NOL6: variants seen among roughly 807,000 people sequenced by gnomAD.
NOL6 encodes the protein nucleolar protein 6, also known as nucleolar RNA-associated protein.
NOL6 carries 33 observed loss-of-function variants against 131.7 expected under a neutral mutation model. The ratio of observed to expected loss-of-function variants is 0.25; its 90% CI spans 0.19 to 0.33. The LOEUF (loss-of-function observed/expected upper bound fraction) is 0.33. NOL6 is among the 10% of genes least tolerant of loss of function. The probability of loss-of-function intolerance (pLI) is 1.00; values close to 1 mark genes in which losing one functional copy is unlikely to be tolerated. For missense variants in NOL6, 1,297 were observed against 1,494.5 expected, an observed-to-expected ratio of 0.87 and a Z score of 2.18; for synonymous variants, 580 against 605.7, an observed-to-expected ratio of 0.96 and a Z score of 0.62.
intron 22 of NOL6, 28 bp downstream of exon 22, chr9:33,464,009 A>C (rs1307397987): frequency 6.2e-7 from 1 of 1,612,690 alleles, no homozygotes; most frequent in East Asian, 2.2e-5. Flanking sequence ...AGAAAACCAC[A>C]CATTAGGGGG....
Position 33,463,320 on chromosome 9 carries a change from C to A in NOL6, c.3116G>T (p.Ser1039Ile). The change falls in exon 24 of 26, where the codon AGC (serine) becomes ATC (isoleucine). Residue 1039 changes from serine (S) to isoleucine (I), a missense_variant. Physicochemically the swap from Ser to Ile is moderately radical, Grantham distance 142. Coordinates refer to ENST00000297990, the MANE Select transcript of NOL6 (RefSeq NM_022917.5). ...PAASFCRGLL[S>I]QPGPSSLMPV... ...CATCAGGGATGAGGGCCCCGGCTGG[C>A]TGAGCAGGCCCCGGCAGAAGGAGGC... is the stretch of plus-strand genomic sequence containing the variant. 1 of 1,614,130 alleles carries A rather than the reference C, an allele frequency of 6.2e-7. No individual in the cohort carries two copies. Among genetic ancestry groups the A allele is most frequent in the Non-Finnish European group, 8.5e-7 (1 of 1,180,004 alleles).
At position 33,472,968 on chromosome 9, in the gene NOL6, CAAAAAAAAA is replaced by C. The variant is rs398040337; in HGVS notation, c.55-565_55-557del. ...AGCCTGGGCAACAGAGCAAGACTGT[CAAAAAAAAA>C]AAAAAAAAAAAGAAGCTGACTGAGC... On this transcript the variant is annotated intron_variant, in intron 1 of 25. Transcript: ENST00000297990. Among the ~76,000 whole-genome samples, 3 of 70,938 alleles carry C rather than the reference CAAAAAAAAA, an allele frequency of 4.2e-5. No individual in the cohort carries two copies. In the Admixed American group the frequency reaches 5.0e-4, roughly 12 times the overall value. The allele number at this position is 70,938 out of a possible 152,430, so 46.5% of individuals were successfully genotyped here.
intron 24 of NOL6, 52 bp from the exon 25 acceptor site, chr9:33,463,186 C>T: frequency 6.2e-7 from 1 of 1,609,680 alleles, no homozygotes; most frequent in South Asian, 1.1e-5. Flanking sequence ...AAGAGCTCCT[C>T]CACAGCCTCA....
At chr9:33,464,589 G>T (rs751207756) in intron 21 of NOL6, among the ~76,000 whole-genome samples, 13 of 151,280 alleles carry the variant, frequency 8.6e-5, no homozygotes, top group Middle Eastern at 6.8e-3. Flanking sequence ...TCCTAGCTCC[G>T]TGCCCTAATA....
At chr9:33,472,860 C>CT (rs1827450735) in intron 1 of NOL6, among the ~76,000 whole-genome samples, 1 of 151,690 alleles carries the variant, frequency 6.6e-6, no homozygotes, top group Non-Finnish European at 1.5e-5. Context: ...GTAATCTCAG[C>CT]TACGCGGGAG....
chr9:33,466,133 G>A lies in NOL6; in HGVS notation c.2302C>T (p.Leu768=). 2 of 1,613,088 alleles carry A rather than the reference G, an allele frequency of 1.2e-6. No homozygotes were observed. The highest frequency in any genetic ancestry group is 1.7e-6 in the Non-Finnish European group (2 of 1,179,600). ...TGCAGACCATGCTGTTGTGTCAACA[G>A]CTCTGCCAGGCGCAGCTGGAAGGCA... ...RAAFQLRLAE[L]LTQQHGLQCR... Residue 768 remains leucine (L), a synonymous_variant, in exon 18 of 26, where the codon CTG becomes TTG. Transcript: ENST00000297990.
rs749829001 is a variant in NOL6 at position 33,466,945 on chromosome 9, G to T, written c.1917C>A (p.Gly639=). ...IPETCVHYVG[G]PLDALIQGLK... ...GGCCTTGGATAAGTGCATCCAGGGG[G>T]CCCCCCACATAGTGGACACAGGTTT... is the stretch of plus-strand genomic sequence containing the variant. Residue 639 remains glycine (G), a synonymous_variant, in exon 15 of 26, where the codon GGC becomes GGA. Coordinates refer to ENST00000297990, the MANE Select transcript of NOL6 (RefSeq NM_022917.5). The T allele has an allele frequency of 1.2e-6, 2 of 1,614,040 alleles. No homozygotes were observed. The highest frequency in any genetic ancestry group is 4.5e-5 in the East Asian group (2 of 44,900).
intron 21 of NOL6, among the ~76,000 whole-genome samples, chr9:33,464,517 C>T (rs112287734): frequency 2.7e-4 from 41 of 152,188 alleles, no homozygotes; most frequent in African/African-American, 9.6e-4. Context: ...GAGTGCCTCA[C>T]GTTACAACCA....
intron 10 of NOL6, 85 bp downstream of exon 10, chr9:33,468,236 G>A (rs1827304618): frequency 6.2e-7 from 1 of 1,608,804 alleles, no homozygotes; most frequent in Non-Finnish European, 8.5e-7. Flanking sequence ...CTTTGAAGAG[G>A]AGTTTCTGGG....
rs200085062 is a variant in NOL6 at position 33,466,374 on chromosome 9, G to T, written c.2143C>A (p.Arg715=). ...RPAFSFYETL[R]ERSSLLPRLD... ...CGGGGCAGCAGTGAGGACCGCTCCC[G>T]CAGAGTCTCATAGAAGGAGAAGGCT... The change falls in exon 17 of 26, where the codon CGG becomes AGG. Residue 715 remains arginine (R), a synonymous_variant. Coordinates refer to ENST00000297990, the MANE Select transcript of NOL6 (RefSeq NM_022917.5). 1.9e-6 allele frequency: 3 copies of T among 1,614,224 alleles called. No individual in the cohort carries two copies. In the Admixed American group the frequency reaches 5.0e-5, roughly 27 times the overall value.
chr9:33,470,251 T>C, intron 3 of NOL6, 60 bp from the exon 4 acceptor site: 1 of 1,371,836 alleles, frequency 7.3e-7, no homozygotes, highest in Non-Finnish European at 9.7e-7. Context: ...ATGTACCCTT[T>C]ATGTCTAGAA....
Position 33,468,821 on chromosome 9 carries a change from CAAGG to C in NOL6, c.1074_1077del (p.Phe358LeufsTer11). The C allele has an allele frequency of 6.2e-7, 1 of 1,614,116 alleles. No individual in the cohort carries two copies. The highest frequency in any genetic ancestry group is 8.5e-7 in the Non-Finnish European group (1 of 1,179,998). On this transcript the variant is annotated frameshift_variant, in exon 8 of 26. Transcript: ENST00000297990. LOFTEE classifies it high-confidence loss of function. ...GTGGTATGGATCTTGCGTGTAGACA[CAAGG>C]AAGACAACCAGCATGGAGACAAGGA...
Position 33,466,706 on chromosome 9 carries a change from A to C in NOL6, c.1954T>G (p.Ser652Ala). The C allele has an allele frequency of 1.9e-6, 3 of 1,613,654 alleles. No homozygotes were observed. Among genetic ancestry groups the C allele is most frequent in the Non-Finnish European group, 2.5e-6 (3 of 1,179,964 alleles). ...ACCAGGGCCTCCTCACCTGTGCTGG[A>C]GGTCTGAGAGGGAGAAGACGGTCAG... The part of the protein sequence containing the change: ...DALIQGLKET[S>A]STGEEALVAA... The change falls in exon 16 of 26, where the codon TCC becomes GCC. Residue 652 changes from serine to alanine, a missense_variant. Transcript: ENST00000297990.
rs767437468 is a variant in NOL6 at position 33,469,150 on chromosome 9, G to A, written c.863-29C>T. On this transcript the variant is annotated intron_variant, in intron 6 of 25. Coordinates refer to ENST00000297990, the MANE Select transcript of NOL6 (RefSeq NM_022917.5). The stretch of plus-strand genomic sequence containing the variant: ...TGGGATGAAAAGGGAAGCCATGAGA[G>A]GAAAAGTCCCCACACCTCTTCCCTC... 3.1e-6 allele frequency: 5 copies of A among 1,613,912 alleles called. No homozygotes were observed. In the African/African-American group the frequency reaches 4.0e-5, roughly 13 times the overall value.
At position 33,466,289 on chromosome 9, in the gene NOL6, C is replaced by T. The variant is rs780292945; in HGVS notation, c.2209+19G>A. 6.2e-7 allele frequency: 1 copy of T among 1,613,818 alleles called. No individual in the cohort carries two copies. The highest frequency in any genetic ancestry group is 1.3e-5 in the African/African-American group (1 of 74,946). On this transcript the variant is annotated intron_variant, in intron 17 of 25. Transcript: ENST00000297990. Reference sequence around the variant, plus strand: ...GAGCTGGAACTATCCCTCCCACTCCCTCCCAAGGGCCCTCTTACCGGTCAT... The same window carrying T: ...GAGCTGGAACTATCCCTCCCACTCCTTCCCAAGGGCCCTCTTACCGGTCAT...
chr9:33,466,197 C>G lies in NOL6; in HGVS notation c.2238G>C (p.Gln746His), dbSNP rs565489527. ...GCACGGCCTCAGCGTCCTGTGGCCA[C>G]TGGCCACTGCCCTCCAGGTGACAAA... is the stretch of plus-strand genomic sequence containing the variant. ...TVVCHLEGSG[Q>H]WPQDAEAVQR... Residue 746 changes from glutamine (Q) to histidine (H), a missense_variant, in exon 18 of 26, where the codon CAG (glutamine) becomes CAC (histidine). By Grantham distance (24) the Gln-to-His change is conservative. Transcript: ENST00000297990. The G allele has an allele frequency of 6.2e-7, 1 of 1,612,138 alleles. No homozygotes were observed. Among genetic ancestry groups the G allele is most frequent in the South Asian group, 1.1e-5 (1 of 90,928 alleles).
At position 33,467,073 on chromosome 9, in the gene NOL6, CAGCCCACACTGCCTT is replaced by C; in HGVS notation, c.1874+26_1874+40del. 1.2e-6 allele frequency: 2 copies of C among 1,613,370 alleles called. No individual in the cohort carries two copies. The highest frequency in any genetic ancestry group is 1.7e-6 in the Non-Finnish European group (2 of 1,179,358). On this transcript the variant is annotated intron_variant, in intron 14 of 25. Transcript: ENST00000297990. The surrounding 1 kb of genome is among the most constrained non-coding windows in gnomAD (Gnocchi z 4.4). Reference sequence around the variant, plus strand: ...GGGCCAGACCCCTGAAAAGGCTCCCCAGCCCACACTGCCTTCTGGAATCCAGATGCCAACACTCAC... The same window carrying C: ...GGGCCAGACCCCTGAAAAGGCTCCCCCTGGAATCCAGATGCCAACACTCAC...
At position 33,468,840 on chromosome 9, in the gene NOL6, G is replaced by T; in HGVS notation, c.1059C>A (p.Ser353=). The T allele has an allele frequency of 1.2e-6, 2 of 1,614,094 alleles. No homozygotes were observed. Among genetic ancestry groups the T allele is most frequent in the Middle Eastern group, 1.6e-4 (1 of 6,062 alleles). ...TAGACACAAGGAAGACAACCAGCATGGAGACAAGGAACCCAGTAAACCCAC... is the reference window on the plus strand; with the variant it reads ...TAGACACAAGGAAGACAACCAGCATTGAGACAAGGAACCCAGTAAACCCAC... ...GQGGFTGFLV[S]MLVVFLVSTR... The change falls in exon 8 of 26, where the codon TCC becomes TCA. Residue 353 remains serine (S), a synonymous_variant. Coordinates refer to ENST00000297990, the MANE Select transcript of NOL6 (RefSeq NM_022917.5).
At chr9:33,464,419 G>A (rs1293690741) in intron 21 of NOL6, among the ~76,000 whole-genome samples, 2 of 152,226 alleles carry the variant, frequency 1.3e-5, no homozygotes, top group South Asian at 2.1e-4. Context: ...GCCTGCACAA[G>A]CTGAGTCTTG....
Sources: allele counts gnomAD v4.1 joint callset (sites outside exome capture counted in the v4.1 genomes callset), GRCh38; gene constraint gnomAD v4.1.1; non-coding constraint Gnocchi (gnomAD v3.1); transcripts MANE v1.5; gene names NCBI Gene and HGNC (gene_info 2026-07-23, HGNC 2026-07-21).